The following DOCK1 variants were observed in gnomAD, a reference collection of about 807,000 sequenced individuals.
DOCK1 encodes the protein dedicator of cytokinesis protein 1.
A neutral mutation model predicts 262.7 loss-of-function variants in DOCK1; 138 were observed. That is an observed-to-expected ratio of 0.53 (90% CI 0.46 to 0.61). The LOEUF is 0.61. Ranked by LOEUF, DOCK1 falls within the 20% of genes least tolerant of loss-of-function variation. The pLI is 0.00. For synonymous variants in DOCK1, 866 were observed against 867.4 expected, an observed-to-expected ratio of 1.00 and a Z score of 0.03; for missense variants, 1,908 against 2,370.7, an observed-to-expected ratio of 0.80 and a Z score of 4.05.
At chr10:127,139,858 T>C (rs753180207) in intron 27 of DOCK1, among the ~76,000 whole-genome samples, 1 of 152,190 alleles carries the variant, frequency 6.6e-6, no homozygotes, top group Non-Finnish European at 1.5e-5. Flanking sequence ...TAAGATGCAA[T>C]TTAAATATTA....
rs571267306 is a variant in DOCK1 at position 126,977,974 on chromosome 10, A to G, written c.157A>G (p.Lys53Glu). 117 of 1,613,982 alleles carry G rather than the reference A, an allele frequency of 7.2e-5. 1 individual carries two copies. The highest frequency in any genetic ancestry group is 9.1e-5 in the Non-Finnish European group (107 of 1,179,870). Reference protein sequence around the residue: ...EGWYRGYTLRKKSKKGIFPAS... With the variant: ...EGWYRGYTLREKSKKGIFPAS... ...GTGGTACCGAGGTTACACGTTACGA[A>G]AAAAGTCTAAGAAGGTAAGTCCTTC... Residue 53 changes from lysine (K) to glutamate (E), a missense_variant, in exon 3 of 52, where the codon AAA (lysine) becomes GAA (glutamate). Transcript: ENST00000623213.
chr10:127,049,791 A>T (rs536199635), intron 21 of DOCK1, among the ~76,000 whole-genome samples: 1 of 152,102 alleles, frequency 6.6e-6, no homozygotes, highest in Non-Finnish European at 1.5e-5. Context: ...AATATTTTAG[A>T]AGATCAAAAT....
At chr10:127,299,834 G>A (rs1003477396) in intron 29 of DOCK1, among the ~76,000 whole-genome samples, 1 of 152,162 alleles carries the variant, frequency 6.6e-6, no homozygotes, top group Non-Finnish European at 1.5e-5. Flanking sequence ...CAACCAAGCT[G>A]TTGGAGCCCA....
At chr10:127,327,992 A>G (rs1057468560) in intron 29 of DOCK1, among the ~76,000 whole-genome samples, 9 of 151,968 alleles carry the variant, frequency 5.9e-5, no homozygotes, top group African/African-American at 2.2e-4. Flanking sequence ...AGAGAGACCC[A>G]CCAGGCCTGG....
chr10:126,964,803 C>G (rs1363725951), intron 1 of DOCK1, among the ~76,000 whole-genome samples: 1 of 152,150 alleles, frequency 6.6e-6, no homozygotes, highest in African/African-American at 2.4e-5. Context: ...TCAAAAAGAC[C>G]CACAGCAGAG....
chr10:126,974,438 G>T (rs2038359200), intron 2 of DOCK1, among the ~76,000 whole-genome samples: 1 of 152,088 alleles, frequency 6.6e-6, no homozygotes, highest in African/African-American at 2.4e-5. Flanking sequence ...CCCGAGTTTG[G>T]GACCTGTGTC....
At chr10:127,026,541 T>G (rs559185940) in intron 16 of DOCK1, 117 bp downstream of exon 16, 107 of 902,840 alleles carry the variant, frequency 1.2e-4, no homozygotes, top group African/African-American at 1.1e-3. Context: ...AAGGCTCATT[T>G]CCCACCGGAA....
At chr10:127,280,407 T>G (rs1422915315) in intron 29 of DOCK1, among the ~76,000 whole-genome samples, 1 of 152,122 alleles carries the variant, frequency 6.6e-6, no homozygotes, top group Non-Finnish European at 1.5e-5. Context: ...TGAACATTTT[T>G]TAAGGTTTTT....
intron 29 of DOCK1, among the ~76,000 whole-genome samples, chr10:127,292,230 G>T (rs115055946): frequency 0.028 from 4,301 of 151,970 alleles, 198 homozygotes; most frequent in African/African-American, 0.096. Context: ...TTTCGGGGGA[G>T]GGGGGGCCCA....
At chr10:127,405,698 T>C (rs543480645) in intron 40 of DOCK1, among the ~76,000 whole-genome samples, 1 of 152,292 alleles carries the variant, frequency 6.6e-6, no homozygotes, top group East Asian at 1.9e-4. Context: ...AGGAAGGGCA[T>C]GTCACTGTTG....
intron 23 of DOCK1, among the ~76,000 whole-genome samples, chr10:127,074,233 C>A (rs1421383425): frequency 6.6e-6 from 1 of 152,102 alleles, no homozygotes. Context: ...TTCTCAAGCA[C>A]CCAAATAGTC....
At chr10:127,261,020 TGTGG>T (rs1370357188) in intron 29 of DOCK1, among the ~76,000 whole-genome samples, 1 of 140,082 alleles carries the variant, frequency 7.1e-6, no homozygotes, top group Non-Finnish European at 1.5e-5. Flanking sequence ...TGTGTGTGCA[TGTGG>T]GTGTCTGTAT....
At chr10:127,207,340 G>A (rs1253400844) in intron 27 of DOCK1, among the ~76,000 whole-genome samples, 1 of 152,230 alleles carries the variant, frequency 6.6e-6, no homozygotes, top group African/African-American at 2.4e-5. Context: ...GGAATCTTAT[G>A]TAGAAAGCTT....
chr10:126,986,492 A>ACTCTCTCCC (rs1352266002), intron 4 of DOCK1, among the ~76,000 whole-genome samples: 2 of 150,930 alleles, frequency 1.3e-5, no homozygotes, highest in Non-Finnish European at 3.0e-5. Flanking sequence ...CCACAAATTC[A>ACTCTCTCCC]CTCTCTCCCC....
At chr10:127,236,480 A>G (rs755099486) in intron 27 of DOCK1, among the ~76,000 whole-genome samples, 27 of 123,430 alleles carry the variant, frequency 2.2e-4, no homozygotes, top group Admixed American at 9.7e-4. Context: ...CAGTTTGCAC[A>G]TTGATCCTTC....
intron 25 of DOCK1, among the ~76,000 whole-genome samples, chr10:127,113,424 G>A (rs2048987557): frequency 6.6e-6 from 1 of 152,176 alleles, no homozygotes; most frequent in Admixed American, 6.5e-5. Context: ...CTCACTGAAA[G>A]AGACCCACTG....
chr10:127,056,589 T>G (rs1016999963), intron 22 of DOCK1, among the ~76,000 whole-genome samples: 5 of 152,116 alleles, frequency 3.3e-5, no homozygotes. Context: ...GCTTCGTTCT[T>G]TCCTCTCTCC....
rs568649246 is a variant in DOCK1 at position 127,145,936 on chromosome 10, A to G, written c.2847+18172A>G. ...CATTCCTGCAGGAGGTCCCTTCTCA[A>G]ACAGGTTCTTTCAAGACGCCTATCT... On this transcript the variant is annotated intron_variant, in intron 27 of 51. Coordinates refer to ENST00000623213, the MANE Select transcript of DOCK1 (RefSeq NM_001290223.2). 326 of 501,324 alleles carry G rather than the reference A, an allele frequency of 6.5e-4. 1 individual carries two copies. Among genetic ancestry groups the G allele is most frequent in the Non-Finnish European group, 7.2e-4 (183 of 253,878 alleles). The allele number at this position is 501,324 out of a possible 1,614,324, so 31.1% of individuals were successfully genotyped here.
At chr10:127,131,079 C>A (rs2050295816) in intron 27 of DOCK1, among the ~76,000 whole-genome samples, 1 of 152,280 alleles carries the variant, frequency 6.6e-6, no homozygotes, top group East Asian at 1.9e-4. Context: ...TTGGAAGAAC[C>A]CCTGTGTTCT....
Sources: allele counts gnomAD v4.1 joint callset (sites outside exome capture counted in the v4.1 genomes callset), GRCh38; gene constraint gnomAD v4.1.1; transcripts MANE v1.5; gene names NCBI Gene and HGNC (gene_info 2026-07-23, HGNC 2026-07-21).